Variants in RIT2 observed in about 807,000 individuals in gnomAD.
RIT2 encodes GTP-binding protein Rit2.
In RIT2, 24 loss-of-function variants were observed where a neutral mutation model predicts 23.7. That is an observed-to-expected ratio of 1.01 (90% CI 0.73 to 1.43). The LOEUF (loss-of-function observed/expected upper bound fraction) is 1.43. RIT2 is among the 40% of genes most tolerant of loss of function. The pLI, the probability that RIT2 is intolerant of heterozygous loss-of-function variation, is 0.00. For synonymous variants in RIT2, 107 were observed against 91.1 expected, an observed-to-expected ratio of 1.17 and a Z score of -0.99; for missense variants, 236 against 266.9, an observed-to-expected ratio of 0.88 and a Z score of 0.81.
At chr18:43,000,306 A>G (rs947826127) in intron 2 of RIT2, among the ~76,000 whole-genome samples, 1 of 152,064 alleles carries the variant, frequency 6.6e-6, no homozygotes, top group Non-Finnish European at 1.5e-5. Context: ...ATGTTCATAT[A>G]GGAAGATGGT....
intron 4 of RIT2, among the ~76,000 whole-genome samples, chr18:42,891,362 C>T (rs947642093): frequency 1.3e-5 from 2 of 152,006 alleles, no homozygotes; most frequent in African/African-American, 4.8e-5. Context: ...TTATTATGAT[C>T]TCTACACAAG....
intron 1 of RIT2, among the ~76,000 whole-genome samples, chr18:43,094,354 GC>G (rs1380968173): frequency 1.3e-5 from 2 of 151,794 alleles, no homozygotes; most frequent in African/African-American, 4.8e-5. Flanking sequence ...CCTCTCTCTT[GC>G]TTTTAATCAT....
chr18:43,091,029 A>T (rs1338064858), intron 1 of RIT2, among the ~76,000 whole-genome samples: 3 of 152,068 alleles, frequency 2.0e-5, no homozygotes, highest in African/African-American at 7.2e-5. Context: ...ACATCCCTGA[A>T]CTTAAAATAA....
chr18:42,859,020 G>A (rs1380036926), intron 4 of RIT2, among the ~76,000 whole-genome samples: 3 of 152,290 alleles, frequency 2.0e-5, no homozygotes, highest in Admixed American at 6.5e-5. Context: ...GAACATTCAT[G>A]TATAAGTTTT....
chr18:42,843,111 T>C (rs1311886062), intron 4 of RIT2, among the ~76,000 whole-genome samples: 1 of 152,200 alleles, frequency 6.6e-6, no homozygotes, highest in East Asian at 1.9e-4. Context: ...GTCTTTATAA[T>C]TAAATAGCCA....
intron 3 of RIT2, among the ~76,000 whole-genome samples, chr18:42,926,018 G>T (rs1909171850): frequency 6.6e-6 from 1 of 151,512 alleles, no homozygotes; most frequent in African/African-American, 2.4e-5. Context: ...TATAGACAAT[G>T]CTGTGATATT....
rs186156803 is a variant in RIT2 at position 43,091,480 on chromosome 18, G to A, written c.103+23937C>T. 9.0e-4 allele frequency among the ~76,000 whole-genome samples: 137 copies of A among 152,064 alleles called. 1 individual carries two copies. Among genetic ancestry groups the A allele is most frequent in the African/African-American group, 3.2e-3 (132 of 41,504 alleles). The stretch of plus-strand genomic sequence containing the variant: ...GTGATATTAAAATGCTGAATAATGT[G>A]GTCTTTACTATGGCCCCATTTGGAA... On this transcript the variant is annotated intron_variant, in intron 1 of 4. Transcript: ENST00000326695.
chr18:43,113,228 G>A (rs550623908), intron 1 of RIT2, among the ~76,000 whole-genome samples: 70 of 152,214 alleles, frequency 4.6e-4, no homozygotes, highest in Non-Finnish European at 8.8e-4. Context: ...CCAAGGACCA[G>A]ATGATTTTCT....
rs1233250731 is a variant in RIT2 at position 42,756,754 on chromosome 18, CCTT to C, written c.427-13037_427-13035del. 2.6e-5 allele frequency among the ~76,000 whole-genome samples: 4 copies of C among 152,002 alleles called. No homozygotes were observed. In the East Asian group the frequency reaches 7.7e-4, roughly 29 times the overall value. On this transcript the variant is annotated intron_variant, in intron 4 of 4. Coordinates refer to ENST00000326695, the MANE Select transcript of RIT2 (RefSeq NM_002930.4). ...GTTTGATGTATATTAAATCAATGGT[CCTT>C]CTGAACCTTCAGGGGATTGGTTATT... is the stretch of plus-strand genomic sequence containing the variant.
At chr18:42,859,190 G>T (rs946152941) in intron 4 of RIT2, among the ~76,000 whole-genome samples, 1 of 152,134 alleles carries the variant, frequency 6.6e-6, no homozygotes, top group Non-Finnish European at 1.5e-5. Context: ...TGAGAGTTCT[G>T]ATTTCTCCAT....
chr18:42,841,122 A>G (rs188755446), intron 4 of RIT2, among the ~76,000 whole-genome samples: 1 of 152,336 alleles, frequency 6.6e-6, no homozygotes. Context: ...AAAGAAAATG[A>G]GAAAGAATGA....
At chr18:42,819,910 C>G (rs2143990462) in intron 4 of RIT2, among the ~76,000 whole-genome samples, 1 of 152,212 alleles carries the variant, frequency 6.6e-6, no homozygotes, top group South Asian at 2.1e-4. Flanking sequence ...ATACCAAAAT[C>G]CACAGATCCT....
At chr18:43,085,695 G>C (rs76785028) in intron 1 of RIT2, among the ~76,000 whole-genome samples, 2,696 of 151,222 alleles carry the variant, frequency 0.018, 88 homozygotes, top group African/African-American at 0.062. Flanking sequence ...TAAGGTTGTA[G>C]AGTATAGGGT....
At chr18:42,989,775 G>A (rs115796032) in intron 2 of RIT2, among the ~76,000 whole-genome samples, 5,146 of 152,138 alleles carry the variant, frequency 0.034, 267 homozygotes, top group African/African-American at 0.11. Context: ...ACAGCTCTTC[G>A]TGGCCTTTTT....
chr18:42,911,655 A>G (rs1256795018), intron 4 of RIT2, among the ~76,000 whole-genome samples: 1 of 152,052 alleles, frequency 6.6e-6, no homozygotes, highest in Non-Finnish European at 1.5e-5. Flanking sequence ...AGGAAATATT[A>G]TGAATAACTT....
At position 42,885,278 on chromosome 18, in the gene RIT2, T is replaced by A. The variant is rs966544070; in HGVS notation, c.426+38294A>T. On this transcript the variant is annotated intron_variant, in intron 4 of 4. Coordinates refer to ENST00000326695, the MANE Select transcript of RIT2 (RefSeq NM_002930.4). ...AAACATTAATTACTAATAGAAATAT[T>A]CTCTAGTTAAAGAATTGTCAATTAG... Among the ~76,000 whole-genome samples the A allele has an allele frequency of 3.3e-5, 5 of 152,124 alleles. No homozygotes were observed. In the East Asian group the frequency reaches 9.6e-4, roughly 29 times the overall value.
At chr18:43,021,517 G>A (rs936070072) in intron 2 of RIT2, among the ~76,000 whole-genome samples, 3 of 152,080 alleles carry the variant, frequency 2.0e-5, no homozygotes, top group African/African-American at 7.2e-5. Flanking sequence ...CAGTGTTGGA[G>A]GTGGGGCTTG....
intron 4 of RIT2, among the ~76,000 whole-genome samples, chr18:42,765,659 C>T (rs534927377): frequency 1.4e-4 from 21 of 152,166 alleles, no homozygotes; most frequent in East Asian, 7.7e-4. Context: ...CTTAGACTAA[C>T]GGGAAAGACT....
chr18:43,072,091 A>T (rs4461165), intron 1 of RIT2, among the ~76,000 whole-genome samples: 144,311 of 152,108 alleles, frequency 0.95, 68,854 homozygotes, highest in East Asian at 1. Flanking sequence ...GTGCAAGGGA[A>T]TCTCCTGCCT....
Sources: allele counts gnomAD v4.1 joint callset (sites outside exome capture counted in the v4.1 genomes callset), GRCh38; gene constraint gnomAD v4.1.1; transcripts MANE v1.5; gene names NCBI Gene and HGNC (gene_info 2026-07-23, HGNC 2026-07-21).